APELA: variants seen among roughly 807,000 people sequenced by gnomAD.
The protein encoded by APELA is apelin receptor early endogenous ligand, also known as protein Elabela.
intron 2 of APELA, among the ~76,000 whole-genome samples, chr4:164,887,823 G>A (rs981337270): frequency 5.3e-5 from 8 of 152,108 alleles, no homozygotes; most frequent in Non-Finnish European, 1.0e-4. Flanking sequence ...TGTTGGCCAG[G>A]CTGGTCTCGA....
intron 2 of APELA, among the ~76,000 whole-genome samples, chr4:164,893,963 GA>G (rs369944019): frequency 0.023 from 3,395 of 145,654 alleles, 132 homozygotes; most frequent in African/African-American, 0.08. Context: ...TTTGGTCACC[GA>G]AAAAAAAAAT....
At chr4:164,884,770 G>A (rs551865094) in intron 2 of APELA, among the ~76,000 whole-genome samples, 67 of 152,278 alleles carry the variant, frequency 4.4e-4, no homozygotes, top group Non-Finnish European at 7.2e-4. Context: ...TAAATAAATA[G>A]TAGTTAGACT....
At chr4:164,897,864 C>G (rs1206817064), downstream of APELA, among the ~76,000 whole-genome samples, 1 of 152,168 alleles carries the variant, frequency 6.6e-6, no homozygotes, top group Non-Finnish European at 1.5e-5. Flanking sequence ...GTTCTTTAAA[C>G]TCAACAATTT....
chr4:164,898,459 G>A (rs1014818812), downstream of APELA, among the ~76,000 whole-genome samples: 5 of 146,954 alleles, frequency 3.4e-5, no homozygotes, highest in Non-Finnish European at 4.5e-5. Context: ...TCAAGATCAC[G>A]CCATTGCACT....
downstream of APELA, among the ~76,000 whole-genome samples, chr4:164,898,042 C>A (rs748768149): frequency 6.6e-6 from 1 of 152,034 alleles, no homozygotes; most frequent in Non-Finnish European, 1.5e-5. Context: ...AGGCACCCAC[C>A]ACCATGTCCA....
chr4:164,893,150 T>G (rs2111068718), intron 2 of APELA, among the ~76,000 whole-genome samples: 1 of 152,252 alleles, frequency 6.6e-6, no homozygotes, highest in Non-Finnish European at 1.5e-5. Context: ...CTGATTTAGG[T>G]TTTGTTTGCT....
At chr4:164,898,370 C>T (rs1403856553), downstream of APELA, among the ~76,000 whole-genome samples, 1 of 150,896 alleles carries the variant, frequency 6.6e-6, no homozygotes, top group East Asian at 2.0e-4. Context: ...GGCGTGGTGT[C>T]GGGTGCCTGT....
At chr4:164,878,879 CT>C in intron 1 of APELA, 40 bp from the exon 2 acceptor site, 1 of 398,786 alleles carries the variant, frequency 2.5e-6, no homozygotes, top group East Asian at 3.6e-5. Flanking sequence ...ACAATTAAGC[CT>C]CTGAAAAATG....
intron 2 of APELA, among the ~76,000 whole-genome samples, chr4:164,884,121 G>GAGAGAA (rs1553971119): frequency 8.8e-6 from 1 of 113,290 alleles, no homozygotes; most frequent in Non-Finnish European, 1.8e-5. Flanking sequence ...AAGAAAGAAA[G>GAGAGAA]AGAAAGAAAG....
intron 2 of APELA, among the ~76,000 whole-genome samples, chr4:164,886,334 G>T (rs1469610207): frequency 6.6e-6 from 1 of 152,128 alleles, no homozygotes; most frequent in South Asian, 2.1e-4. Flanking sequence ...CTAATTTACT[G>T]ATGAGATAAA....
intron 2 of APELA, among the ~76,000 whole-genome samples, chr4:164,884,780 T>C (rs1730736526): frequency 2.0e-5 from 3 of 152,230 alleles, no homozygotes; most frequent in African/African-American, 4.8e-5. Flanking sequence ...GTAGTTAGAC[T>C]TATTATTACT....
chr4:164,880,924 G>A (rs1345524680), intron 2 of APELA, among the ~76,000 whole-genome samples: 1 of 152,138 alleles, frequency 6.6e-6, no homozygotes, highest in African/African-American at 2.4e-5. Flanking sequence ...TTATAAAACT[G>A]CTTGGGTGAC....
chr4:164,881,764 G>A (rs561644225), intron 2 of APELA, among the ~76,000 whole-genome samples: 6 of 151,928 alleles, frequency 3.9e-5, no homozygotes, highest in Admixed American at 1.3e-4. Flanking sequence ...GCCAGGTCCA[G>A]TGGCTCATGC....
At chr4:164,894,606 T>C (rs1173659986) in intron 2 of APELA, among the ~76,000 whole-genome samples, 1 of 152,102 alleles carries the variant, frequency 6.6e-6, no homozygotes, top group Admixed American at 6.6e-5. Flanking sequence ...GGTTTCACCA[T>C]GTTGGCCAGG....
intron 2 of APELA, among the ~76,000 whole-genome samples, chr4:164,894,912 T>G (rs1055461802): frequency 6.6e-6 from 1 of 152,220 alleles, no homozygotes; most frequent in Non-Finnish European, 1.5e-5. Context: ...ATTGCTAAAT[T>G]AGTCATAGTT....
rs943950291 is a variant in APELA, at chr4:164,879,286, T to C, written c.*1+277T>C. 8 of 283,032 alleles carry C rather than the reference T, an allele frequency of 2.8e-5. No individual in the cohort carries two copies. In the East Asian group the frequency reaches 4.7e-4, roughly 17 times the overall value. The allele number at this position is 283,032 out of a possible 1,614,324, so 17.5% of individuals were successfully genotyped here. A position where few individuals can be genotyped will look rare whatever the true frequency, so the allele number is the denominator to read the frequency against. On this transcript the variant is annotated intron_variant, in intron 2 of 2. Transcript: ENST00000507152. ...AACAGCTATTTGGGGGCTAATATTATTGCGGATGTTATGCAGAACGAGCCG... is the reference window on the plus strand; with the variant it reads ...AACAGCTATTTGGGGGCTAATATTACTGCGGATGTTATGCAGAACGAGCCG...
At chr4:164,879,359 C>T (rs887125545) in intron 2 of APELA, 2 of 171,490 alleles carry the variant, frequency 1.2e-5, no homozygotes, top group Non-Finnish European at 2.5e-5. Context: ...GATGTATTCA[C>T]CCAACAGCCC....
At chr4:164,887,394 T>C (rs1730795214) in intron 2 of APELA, among the ~76,000 whole-genome samples, 1 of 152,114 alleles carries the variant, frequency 6.6e-6, no homozygotes, top group South Asian at 2.1e-4. Context: ...GCTGTACTTA[T>C]ACCTTTACCT....
chr4:164,898,761 C>T (rs1311262576), downstream of APELA: 1 of 151,980 alleles, frequency 6.6e-6, no homozygotes, highest in Non-Finnish European at 1.5e-5. Context: ...GTTTGCTGTA[C>T]ATTTGATCAG....
Sources: gnomAD v4.1 joint callset for allele counts (sites outside exome capture counted in the v4.1 genomes callset) on GRCh38, gnomAD v4.1.1 for gene constraint, MANE v1.5 for transcripts, NCBI Gene and HGNC (gene_info 2026-07-23, HGNC 2026-07-21) for gene names.